Variants in ZNF777 observed in about 807,000 individuals in gnomAD.
ZNF777 encodes zinc finger protein 777.
ZNF777 carries 7 observed loss-of-function variants against 72.1 expected under a neutral mutation model. The observed-to-expected ratio is 0.10, with a 90% CI of 0.06 to 0.18. The LOEUF (loss-of-function observed/expected upper bound fraction) is 0.18. Ranked by LOEUF, ZNF777 falls within the 10% of genes least tolerant of loss-of-function variation. ZNF777 has a pLI of 1.00. For synonymous variants in ZNF777, 545 were observed against 483.5 expected, an observed-to-expected ratio of 1.13 and a Z score of -1.67; for missense variants, 828 against 1,128.6, an observed-to-expected ratio of 0.73 and a Z score of 3.82.
intron 4 of ZNF777, 59 bp downstream of exon 4, chr7:149,450,940 G>A (rs1017509203): frequency 1.6e-5 from 23 of 1,473,522 alleles, no homozygotes; most frequent in Middle Eastern, 1.7e-4. Flanking sequence ...TCATGCTGGC[G>A]CTTCCTGAGT....
intron 5 of ZNF777, among the ~76,000 whole-genome samples, chr7:149,434,032 A>G (rs1799370594): frequency 1.1e-5 from 1 of 87,916 alleles, no homozygotes. Flanking sequence ...GAGTACTCAT[A>G]CCTGTCCTTT....
At chr7:149,453,935 C>T (rs1017968556) in intron 3 of ZNF777, among the ~76,000 whole-genome samples, 176 bp downstream of exon 3, 5 of 152,206 alleles carry the variant, frequency 3.3e-5, no homozygotes, top group African/African-American at 9.6e-5. Flanking sequence ...TGGCCTGGGC[C>T]GCACTGATGT....
chr7:149,440,662 GTTGTTTTT>G (rs1370956051), intron 4 of ZNF777, among the ~76,000 whole-genome samples: 54 of 124,614 alleles, frequency 4.3e-4, no homozygotes, highest in Admixed American at 1.8e-3. Flanking sequence ...CCAGCAGCCT[GTTGTTTTT>G]TTGTTTTTTT....
At chr7:149,441,263 T>C (rs1799509952) in intron 4 of ZNF777, among the ~76,000 whole-genome samples, 1 of 152,216 alleles carries the variant, frequency 6.6e-6, no homozygotes, top group Non-Finnish European at 1.5e-5. Context: ...AAAGGTAACA[T>C]TTCAATCCAG....
intron 1 of ZNF777, among the ~76,000 whole-genome samples, chr7:149,457,644 G>A (rs1029986278): frequency 6.6e-6 from 1 of 152,058 alleles, no homozygotes; most frequent in Non-Finnish European, 1.5e-5. Context: ...TTTAAGCCAC[G>A]GATTGAATAT....
Position 149,436,973 on chromosome 7 carries a change from G to A in ZNF777, c.1088-147C>T. On this transcript the variant is annotated intron_variant, in intron 4 of 5. Coordinates refer to ENST00000247930, the MANE Select transcript of ZNF777 (RefSeq NM_015694.3). This position sits in a 1 kb window ranked among gnomAD's most constrained non-coding sequence, Gnocchi z 5.0. The stretch of plus-strand genomic sequence containing the variant: ...AAATGTAATATTGAGTTGGAAATGA[G>A]TAGACACAGAATTTTCTGGACACCT... 2 of 1,033,518 alleles carry A rather than the reference G, an allele frequency of 1.9e-6. No individual in the cohort carries two copies. The highest frequency in any genetic ancestry group is 3.7e-5 in the South Asian group (2 of 54,198). The allele number at this position is 1,033,518 out of a possible 1,614,324, so 64.0% of individuals were successfully genotyped here.
intron 3 of ZNF777, 110 bp from the exon 4 acceptor site, chr7:149,451,222 C>T: frequency 1.0e-6 from 1 of 963,694 alleles, no homozygotes; most frequent in Non-Finnish European, 1.6e-6. Flanking sequence ...CGACTGGAGA[C>T]CACAATGGAA....
chr7:149,459,535 G>C (rs1799903141), intron 1 of ZNF777: 1 of 695,126 alleles, frequency 1.4e-6, no homozygotes, highest in Admixed American at 6.3e-5. Context: ...CGCGTCCGCT[G>C]CCAGGGCGGC....
intron 5 of ZNF777, among the ~76,000 whole-genome samples, chr7:149,435,747 C>A (rs2116571043): frequency 6.6e-6 from 1 of 152,236 alleles, no homozygotes; most frequent in East Asian, 1.9e-4. Context: ...GGAACACACT[C>A]AATTCCTATT....
intron 4 of ZNF777, among the ~76,000 whole-genome samples, chr7:149,437,118 A>C (rs1284821741): frequency 6.6e-6 from 1 of 151,864 alleles, no homozygotes; most frequent in East Asian, 1.9e-4. Context: ...TTTTACTCTT[A>C]TTTTTTCAAT....
intron 3 of ZNF777, among the ~76,000 whole-genome samples, chr7:149,453,400 T>C (rs1336458680): frequency 6.6e-6 from 1 of 152,228 alleles, no homozygotes; most frequent in South Asian, 2.1e-4. Flanking sequence ...ATGTTTAAGA[T>C]AACGTTTTTT....
In ZNF777 at chr7:149,431,371, A is replaced by G. The variant is rs765332292; in HGVS notation, c.*405T>C. 1.9e-5 allele frequency: 7 copies of G among 368,282 alleles called. No homozygotes were observed. Among genetic ancestry groups the G allele is most frequent in the South Asian group, 1.4e-4 (7 of 50,858 alleles). 22.8% of individuals were successfully genotyped at this position (368,282 alleles called of 1,614,324 possible). ...GCAAACAGGAAACGCTCTTCTTTTAAAAATTACTCTATTATTATCAAATAG... is the reference window on the plus strand; with the variant it reads ...GCAAACAGGAAACGCTCTTCTTTTAGAAATTACTCTATTATTATCAAATAG... On this transcript the variant is annotated 3_prime_UTR_variant, in exon 6 of 6. Coordinates refer to ENST00000247930, the MANE Select transcript of ZNF777 (RefSeq NM_015694.3).
At chr7:149,448,397 A>G (rs1799642532) in intron 4 of ZNF777, among the ~76,000 whole-genome samples, 1 of 149,986 alleles carries the variant, frequency 6.7e-6, no homozygotes, top group Admixed American at 6.7e-5. Flanking sequence ...TTGAACCAGG[A>G]GGTGGGAGGT....
Position 149,451,155 on chromosome 7 carries a change from T to G in ZNF777, c.974-43A>C, listed in dbSNP as rs137907015. The stretch of plus-strand genomic sequence containing the variant: ...AAAAAAATATGCTCTGGGATGAGGT[T>G]GCACTGGATGTTGTTAAGGTATCAT... On this transcript the variant is annotated intron_variant, in intron 3 of 5. Coordinates refer to ENST00000247930, the MANE Select transcript of ZNF777 (RefSeq NM_015694.3). 495 of 1,542,784 alleles carry G rather than the reference T, an allele frequency of 3.2e-4. 2 individuals are homozygous for G. In the African/African-American group the frequency reaches 5.9e-3, roughly 18 times the overall value.
In ZNF777 at chr7:149,431,886, G is replaced by A; in HGVS notation, c.2386C>T (p.His796Tyr). The change falls in exon 6 of 6, where the codon CAC becomes TAC. Residue 796 changes from histidine (H) to tyrosine (Y), a missense_variant. This residue lies in a region of ZNF777 where 49 missense variants were observed against 135.8 expected (regional missense o/e 0.36). Transcript: ENST00000247930. ...CGCTCGCCCGTGTGCGCGCGCTGGT[G>A]CTCCAGCAGGTGATGCTTCTGCGTG... ...RFTQKHHLLE[H>Y]QRAHTGERPY... is the part of the protein sequence containing the mutation. 1 of 1,607,584 alleles carries A rather than the reference G, an allele frequency of 6.2e-7. No homozygotes were observed. Among genetic ancestry groups the A allele is most frequent in the Non-Finnish European group, 8.5e-7 (1 of 1,179,490 alleles).
Position 149,431,729 on chromosome 7 carries a change from G to C in ZNF777, c.*47C>G. The C allele has an allele frequency of 7.8e-7, 1 of 1,285,306 alleles. No individual in the cohort carries two copies. The highest frequency in any genetic ancestry group is 9.8e-7 in the Non-Finnish European group (1 of 1,017,396). The allele number at this position is 1,285,306 out of a possible 1,614,324, so 79.6% of individuals were successfully genotyped here. On this transcript the variant is annotated 3_prime_UTR_variant, in exon 6 of 6. Coordinates refer to ENST00000247930, the MANE Select transcript of ZNF777 (RefSeq NM_015694.3). ...CTCGGGCCTGGCGGTGTCCGAGGGG[G>C]GGCACGGCCCGCGCACCTGGCCGGG...
chr7:149,456,749 T>C (rs1010360570), intron 1 of ZNF777, among the ~76,000 whole-genome samples: 2 of 152,202 alleles, frequency 1.3e-5, no homozygotes, highest in African/African-American at 4.8e-5. Flanking sequence ...TTTCCCAGAC[T>C]CTTACTCTTT....
Position 149,455,820 on chromosome 7 carries a change from G to A in ZNF777, c.203C>T (p.Ser68Phe), listed in dbSNP as rs200019004. 1.7e-4 allele frequency: 269 copies of A among 1,613,868 alleles called. 2 individuals are homozygous for A. The Admixed American group carries it at 4.4e-3, about 26-fold the overall frequency. ...QTSSAPKQET[S>F]GRMPHVLQKG... ...CTGGAGCACATGTGGCATCCGGCCA[G>A]AAGTCTCTTGCTTGGGAGCACTGGA... Residue 68 changes from serine (S) to phenylalanine (F), a missense_variant, in exon 2 of 6, where the codon TCT (serine) becomes TTT (phenylalanine). Ser to Phe is a radical substitution (Grantham distance 155). Around this residue, in one of 12 missense-constraint regions of ZNF777, gnomAD observed 222 missense variants for 211.2 expected, o/e 1.05. Coordinates refer to ENST00000247930, the MANE Select transcript of ZNF777 (RefSeq NM_015694.3). The surrounding 1 kb of genome is among the most constrained non-coding windows in gnomAD (Gnocchi z 4.2).
chr7:149,440,764 T>C (rs1397423065), intron 4 of ZNF777, among the ~76,000 whole-genome samples: 5 of 151,484 alleles, frequency 3.3e-5, no homozygotes, highest in Non-Finnish European at 7.4e-5. Flanking sequence ...GGCTGATCAG[T>C]TGGACAAGAA....
Sources: allele counts gnomAD v4.1 joint callset (sites outside exome capture counted in the v4.1 genomes callset), GRCh38; gene constraint gnomAD v4.1.1; regional missense constraint gnomAD v4.1.1; non-coding constraint Gnocchi (gnomAD v3.1); transcripts MANE v1.5; gene names NCBI Gene and HGNC (gene_info 2026-07-23, HGNC 2026-07-21).